Variants in PLCB1 observed in about 807,000 individuals in gnomAD.
PLCB1 encodes phospholipase C beta 1, also known as 1-phosphatidylinositol 4,5-bisphosphate phosphodiesterase beta-1.
PLCB1 carries 46 observed loss-of-function variants against 161.8 expected under a neutral mutation model. The ratio of observed to expected loss-of-function variants is 0.28; its 90% CI spans 0.22 to 0.36. PLCB1 has a LOEUF of 0.36. Among genes scored for constraint, PLCB1 ranks in the 10% least tolerant of loss-of-function variants. The pLI is 1.00. For synonymous variants in PLCB1, 517 were observed against 503.7 expected, an observed-to-expected ratio of 1.03 and a Z score of -0.35; for missense variants, 1,016 against 1,472.5, an observed-to-expected ratio of 0.69 and a Z score of 5.07.
At chr20:8,345,643 A>G (rs760320653) in intron 2 of PLCB1, among the ~76,000 whole-genome samples, 10 of 152,182 alleles carry the variant, frequency 6.6e-5, no homozygotes, top group Non-Finnish European at 1.5e-4. Flanking sequence ...CCAGGGTGAC[A>G]TCCAAAATAT....
intron 31 of PLCB1, among the ~76,000 whole-genome samples, chr20:8,857,554 A>T (rs1201377930): frequency 6.6e-6 from 1 of 152,190 alleles, no homozygotes; most frequent in African/African-American, 2.4e-5. Flanking sequence ...TCTGTACCAG[A>T]AGTTTTCTTG....
intron 27 of PLCB1, among the ~76,000 whole-genome samples, chr20:8,787,545 T>C (rs1983548581): frequency 6.6e-6 from 1 of 152,216 alleles, no homozygotes; most frequent in South Asian, 2.1e-4. Context: ...GTCCACACTG[T>C]CTATTGGGTG....
chr20:8,560,799 T>G (rs930418862), intron 3 of PLCB1, among the ~76,000 whole-genome samples: 2 of 152,066 alleles, frequency 1.3e-5, no homozygotes, highest in Admixed American at 6.6e-5. Context: ...GTGTGTATTT[T>G]TATATGGATC....
intron 9 of PLCB1, among the ~76,000 whole-genome samples, chr20:8,681,090 A>ATG (rs1990202251): frequency 1.8e-4 from 10 of 56,860 alleles, no homozygotes; most frequent in African/African-American, 5.3e-4. Flanking sequence ...GTGTGTGTAT[A>ATG]TATATATATA....
chr20:8,373,162 C>T (rs144040912), intron 3 of PLCB1, among the ~76,000 whole-genome samples: 14 of 152,312 alleles, frequency 9.2e-5, no homozygotes, highest in African/African-American at 2.9e-4. Context: ...TTAGAATACT[C>T]TGACTTTGTC....
Position 8,748,897 on chromosome 20 carries a change from CT to C in PLCB1, c.2523+7325del, listed in dbSNP as rs1158982099. Among the ~76,000 whole-genome samples, 11 of 152,302 alleles carry C rather than the reference CT, an allele frequency of 7.2e-5. No individual in the cohort carries two copies. The East Asian group carries it at 2.1e-3, about 29-fold the overall frequency. ...TTGTTCCCTTATAGTAACCATTTTACTGTACATAGGTATCTTATAACATCAT... is the reference window on the plus strand; with the variant it reads ...TTGTTCCCTTATAGTAACCATTTTACGTACATAGGTATCTTATAACATCAT... On this transcript the variant is annotated intron_variant, in intron 23 of 31. Transcript: ENST00000338037.
At chr20:8,791,048 C>T (rs907375356) in intron 31 of PLCB1, among the ~76,000 whole-genome samples, 10 of 151,332 alleles carry the variant, frequency 6.6e-5, no homozygotes, top group African/African-American at 1.9e-4. Flanking sequence ...AGTTAAAAAA[C>T]GTTAGTTTTA....
At chr20:8,741,927 A>G (rs2179474) in intron 23 of PLCB1, among the ~76,000 whole-genome samples, 148,353 of 152,344 alleles carry the variant, frequency 0.97, 72,256 homozygotes, top group East Asian at 1. Flanking sequence ...GTTTCCCTTT[A>G]TCTTTAATGT....
At chr20:8,374,979 C>G (rs1357140746) in intron 3 of PLCB1, among the ~76,000 whole-genome samples, 1 of 152,104 alleles carries the variant, frequency 6.6e-6, no homozygotes, top group Non-Finnish European at 1.5e-5. Flanking sequence ...TTTGAAATAA[C>G]ATTTACAGGA....
chr20:8,627,325 A>AT (rs1052480158), intron 3 of PLCB1, among the ~76,000 whole-genome samples: 3 of 151,988 alleles, frequency 2.0e-5, no homozygotes, highest in African/African-American at 4.8e-5. Context: ...TACTATTTAG[A>AT]TTTTTTTTAA....
At chr20:8,240,769 A>G (rs935368711) in intron 2 of PLCB1, among the ~76,000 whole-genome samples, 1 of 152,050 alleles carries the variant, frequency 6.6e-6, no homozygotes, top group Non-Finnish European at 1.5e-5. Flanking sequence ...GGAACTAGAA[A>G]TCAAATATCC....
chr20:8,713,329 C>T (rs8119949), intron 12 of PLCB1, among the ~76,000 whole-genome samples: 4,013 of 152,180 alleles, frequency 0.026, 161 homozygotes, highest in African/African-American at 0.091. Flanking sequence ...ATTACAGGCA[C>T]GCACCACCAC....
chr20:8,270,480 C>T (rs893867193), intron 2 of PLCB1, among the ~76,000 whole-genome samples: 2 of 152,134 alleles, frequency 1.3e-5, no homozygotes, highest in Non-Finnish European at 1.5e-5. Flanking sequence ...ATCTCCAAGA[C>T]TGTTGATACT....
chr20:8,275,269 G>GTGTT (rs1359700321), intron 2 of PLCB1, among the ~76,000 whole-genome samples: 2 of 151,668 alleles, frequency 1.3e-5, no homozygotes, highest in Non-Finnish European at 2.9e-5. Context: ...GTGTGTGTGT[G>GTGTT]TGTGTGTGTG....
Position 8,697,688 on chromosome 20 carries a change from C to T in PLCB1, c.1072C>T (p.Arg358Cys), listed in dbSNP as rs2123428062. 2 of 1,614,150 alleles carry T rather than the reference C, an allele frequency of 1.2e-6. No homozygotes were observed. Among genetic ancestry groups the T allele is most frequent in the Non-Finnish European group, 1.7e-6 (2 of 1,180,008 alleles). Residue 358 changes from arginine to cysteine, a missense_variant, in exon 11 of 32, where the codon CGC becomes TGC. By Grantham distance (180) the Arg-to-Cys change is radical (BLOSUM62 -3). Coordinates refer to ENST00000338037, the MANE Select transcript of PLCB1 (RefSeq NM_015192.4). ...MYRQVLLSGC[R>C]CVELDCWKGR... ...TCGCCAAGTGCTCCTGTCTGGTTGT[C>T]GCTGTGTGGAGCTGGACTGCTGGAA...
intron 3 of PLCB1, among the ~76,000 whole-genome samples, chr20:8,589,653 G>A (rs182562003): frequency 2.5e-5 from 3 of 118,016 alleles, no homozygotes; most frequent in South Asian, 2.7e-4. Flanking sequence ...GTCTTGCTCT[G>A]TCACCCAGAC....
chr20:8,315,935 T>A (rs375740396), intron 2 of PLCB1, among the ~76,000 whole-genome samples: 19 of 152,334 alleles, frequency 1.2e-4, no homozygotes, highest in East Asian at 7.7e-4. Context: ...GAGTTTTCAC[T>A]CCTGTTTTTC....
At chr20:8,722,641 C>T (rs927004266) in intron 15 of PLCB1, among the ~76,000 whole-genome samples, 9 of 152,088 alleles carry the variant, frequency 5.9e-5, no homozygotes, top group Non-Finnish European at 1.0e-4. Flanking sequence ...ACATTCATTG[C>T]ATTGTTTTAA....
At chr20:8,166,897 C>T (rs2051681353) in intron 2 of PLCB1, among the ~76,000 whole-genome samples, 1 of 152,168 alleles carries the variant, frequency 6.6e-6, no homozygotes, top group Admixed American at 6.5e-5. Flanking sequence ...CCCTCCCCTG[C>T]TTCACCACAC....
Sources: gnomAD v4.1 joint callset for allele counts (sites outside exome capture counted in the v4.1 genomes callset) on GRCh38, gnomAD v4.1.1 for gene constraint, MANE v1.5 for transcripts, NCBI Gene and HGNC (gene_info 2026-07-23, HGNC 2026-07-21) for gene names.